Variants in RGCC observed in about 807,000 individuals in gnomAD.
The protein encoded by RGCC is regulator of cell cycle RGCC.
Under a neutral mutation model 15.4 loss-of-function variants are expected in RGCC, and 15 were observed. The ratio of observed to expected loss-of-function variants is 0.97; its 90% CI spans 0.65 to 1.50. RGCC has a LOEUF of 1.50. Ranked by LOEUF, RGCC falls within the 40% of genes most tolerant of loss-of-function variation. RGCC has a pLI of 0.00. For synonymous variants in RGCC, 81 were observed against 78.0 expected (o/e 1.04, Z -0.20); for missense variants, 176 against 189.7 (o/e 0.93, Z 0.42).
chr13:41,468,741 T>C (rs763111841), intron 3 of RGCC, 35 bp from the exon 4 acceptor site: 7 of 1,390,896 alleles, frequency 5.0e-6, no homozygotes, highest in Non-Finnish European at 6.0e-6. Context: ...AACTGAACTC[T>C]CTCTCTCTCT....
intron 2 of RGCC, among the ~76,000 whole-genome samples, chr13:41,466,069 A>ACACACACACACT (rs1204957102): frequency 6.6e-6 from 1 of 151,254 alleles, no homozygotes; most frequent in African/African-American, 2.4e-5. Context: ...ACACACACAC[A>ACACACACACACT]CTCTCTCACT....
chr13:41,462,001 G>T (rs1446458755), intron 2 of RGCC, among the ~76,000 whole-genome samples: 1 of 152,230 alleles, frequency 6.6e-6, no homozygotes, highest in South Asian at 2.1e-4. Flanking sequence ...CAACAGTGGA[G>T]AAGTTGAGGA....
chr13:41,457,625 C>A lies in RGCC; in HGVS notation c.-83C>A. 3 of 1,489,312 alleles carry A rather than the reference C, an allele frequency of 2.0e-6. No homozygotes were observed. Among genetic ancestry groups the A allele is most frequent in the Non-Finnish European group, 1.8e-6 (2 of 1,122,002 alleles). The allele number at this position is 1,489,312 out of a possible 1,614,324, so 92.3% of individuals were successfully genotyped here. On this transcript the variant is annotated 5_prime_UTR_variant, in exon 1 of 5. Coordinates refer to ENST00000379359, the MANE Select transcript of RGCC (RefSeq NM_014059.3). This position sits in a 1 kb window ranked among gnomAD's most constrained non-coding sequence, Gnocchi z 4.9. ...AAGGGACTGGCAGGGCTGAAGTGTG[C>A]GGGACAGCAAGCCCCCGAATAGCCC... is the stretch of plus-strand genomic sequence containing the variant.
chr13:41,466,523 G>A (rs2043850275), intron 2 of RGCC, among the ~76,000 whole-genome samples: 1 of 152,004 alleles, frequency 6.6e-6, no homozygotes, highest in Admixed American at 6.6e-5. Flanking sequence ...CAAGTAGCTG[G>A]GGCTACAGAC....
intron 3 of RGCC, 130 bp downstream of exon 3, chr13:41,467,060 C>T: frequency 3.1e-6 from 2 of 650,072 alleles, no homozygotes; most frequent in East Asian, 2.7e-5. Flanking sequence ...AGACTAATGT[C>T]TTAATACTGT....
intron 2 of RGCC, among the ~76,000 whole-genome samples, chr13:41,461,260 T>C (rs1360929726): frequency 1.3e-5 from 2 of 152,192 alleles, no homozygotes; most frequent in African/African-American, 2.4e-5. Context: ...TCAGGCACTT[T>C]AGTGGGAGTG....
chr13:41,463,413 G>A (rs945781102), intron 2 of RGCC, among the ~76,000 whole-genome samples: 1 of 145,858 alleles, frequency 6.9e-6, no homozygotes, highest in East Asian at 2.0e-4. Context: ...TACACCTCAC[G>A]GAAAGGGAGT....
chr13:41,464,446 G>A (rs2043837720), intron 2 of RGCC, among the ~76,000 whole-genome samples: 1 of 152,136 alleles, frequency 6.6e-6, no homozygotes, highest in African/African-American at 2.4e-5. Context: ...TGGGAGAATT[G>A]GAGAGCCCAC....
At chr13:41,467,043 A>G in intron 3 of RGCC, 113 bp downstream of exon 3, 5 of 720,066 alleles carry the variant, frequency 6.9e-6, no homozygotes, top group South Asian at 6.4e-5. Flanking sequence ...TACAAAACAA[A>G]TAGGTAAGAC....
rs865961366 is a variant in RGCC, at chr13:41,469,310, G to T, written c.406+472G>T. Reference sequence around the variant, plus strand: ...ATAATAATAATAAGAAGAAGAAGAAGAAGAAGAAGAAGAAGAAGAAGAAAC... The same window carrying T: ...ATAATAATAATAAGAAGAAGAAGAATAAGAAGAAGAAGAAGAAGAAGAAAC... On this transcript the variant is annotated intron_variant, in intron 4 of 4. Transcript: ENST00000379359. Among the ~76,000 whole-genome samples, 1,005 of 139,894 alleles carry T rather than the reference G, an allele frequency of 7.2e-3. 5 individuals carry two copies. The highest frequency in any genetic ancestry group is 9.9e-3 in the African/African-American group (391 of 39,398). 91.8% of individuals were successfully genotyped at this position (139,894 alleles called of 152,430 possible). A position where few individuals can be genotyped will look rare whatever the true frequency, so the allele number is the denominator to read the frequency against.
At chr13:41,459,513 A>G (rs537465580) in intron 2 of RGCC, among the ~76,000 whole-genome samples, 17 of 152,322 alleles carry the variant, frequency 1.1e-4, no homozygotes, top group Non-Finnish European at 1.5e-4. Context: ...GGGGCTAGAC[A>G]TGAACATGAG....
rs1368133607 is a variant in RGCC at position 41,462,417 on chromosome 13, G to A, written c.235+3947G>A. Among the ~76,000 whole-genome samples the A allele has an allele frequency of 3.9e-5, 6 of 152,064 alleles. No individual in the cohort carries two copies. In the East Asian group the frequency reaches 9.6e-4, roughly 24 times the overall value. ...CTTTTGATGGTGCCTTAGAAAACAC[G>A]GTCCCAGAATTTGAGGTTCCTGACT... On this transcript the variant is annotated intron_variant, in intron 2 of 4. Coordinates refer to ENST00000379359, the MANE Select transcript of RGCC (RefSeq NM_014059.3).
intron 2 of RGCC, among the ~76,000 whole-genome samples, chr13:41,464,836 C>T (rs1370032271): frequency 6.6e-6 from 1 of 152,148 alleles, no homozygotes; most frequent in Non-Finnish European, 1.5e-5. Context: ...GGCTGGACCT[C>T]TGAAGGAAGC....
chr13:41,463,099 C>G (rs545927240), intron 2 of RGCC, among the ~76,000 whole-genome samples: 9 of 152,140 alleles, frequency 5.9e-5, no homozygotes, highest in African/African-American at 2.2e-4. Flanking sequence ...CACAGAGCAC[C>G]TAGGTTATTG....
At chr13:41,468,864 CA>C in intron 4 of RGCC, 26 bp downstream of exon 4, 5 of 1,490,020 alleles carry the variant, frequency 3.4e-6, no homozygotes, top group South Asian at 1.2e-5. Context: ...ATATTAAAAA[CA>C]AAAAAACAAA....
chr13:41,461,356 T>G (rs1321671082), intron 2 of RGCC, among the ~76,000 whole-genome samples: 1 of 152,242 alleles, frequency 6.6e-6, no homozygotes, highest in Non-Finnish European at 1.5e-5. Context: ...GCTTTAGAAA[T>G]TGACTACCTT....
rs1218132366 is a variant in RGCC, at chr13:41,458,578, C to G, written c.235+108C>G. On this transcript the variant is annotated intron_variant, in intron 2 of 4. Transcript: ENST00000379359. The surrounding 1 kb of genome is among the most constrained non-coding windows in gnomAD (Gnocchi z 4.4). The stretch of plus-strand genomic sequence containing the variant: ...TTATCAGTAAACTGAGGAATGGTTT[C>G]CTGAAGCTCAACGCAGTAGGCCGAG... 8.2e-7 allele frequency: 1 copy of G among 1,221,288 alleles called. No individual in the cohort carries two copies. Among genetic ancestry groups the G allele is most frequent in the Non-Finnish European group, 1.1e-6 (1 of 897,570 alleles). The allele number at this position is 1,221,288 out of a possible 1,614,324, so 75.7% of individuals were successfully genotyped here.
intron 2 of RGCC, among the ~76,000 whole-genome samples, chr13:41,461,940 G>A (rs898810638): frequency 3.9e-5 from 6 of 152,240 alleles, no homozygotes; most frequent in South Asian, 2.1e-4. Context: ...ATCTTGTGAT[G>A]CTTGGCAAGG....
Position 41,468,737 on chromosome 13 carries a change from A to ACT in RGCC, c.344-19_344-18dup, listed in dbSNP as rs150442518. The ACT allele has an allele frequency of 4.6e-3, 5,914 of 1,276,838 alleles. 1 individual carries two copies. The highest frequency in any genetic ancestry group is 7.8e-3 in the South Asian group (577 of 74,450). The allele number at this position is 1,276,838 out of a possible 1,614,324, so 79.1% of individuals were successfully genotyped here. On this transcript the variant is annotated intron_variant, in intron 3 of 4. Transcript: ENST00000379359. ...CAGCTGTCTTTGTTATGGAAACTGA[A>ACT]CTCTCTCTCTCTCTCTCTCTCCCTC... is the stretch of plus-strand genomic sequence containing the variant.
Sources: gnomAD v4.1 joint callset for allele counts (sites outside exome capture counted in the v4.1 genomes callset) on GRCh38, gnomAD v4.1.1 for gene constraint, Gnocchi (gnomAD v3.1) non-coding constraint, MANE v1.5 for transcripts, NCBI Gene and HGNC (gene_info 2026-07-23, HGNC 2026-07-21) for gene names.